Variants in CYFIP1 observed in about 807,000 individuals in gnomAD.
CYFIP1 encodes cytoplasmic FMR1 interacting protein 1, also known as cytoplasmic FMR1-interacting protein 1.
A neutral mutation model predicts 163.5 loss-of-function variants in CYFIP1; 58 were observed. The ratio of observed to expected loss-of-function variants is 0.35; its 90% CI spans 0.29 to 0.44. CYFIP1 has a LOEUF of 0.44. Among genes scored for constraint, CYFIP1 ranks in the 20% least tolerant of loss-of-function variants. The pLI is 1.00. For synonymous variants in CYFIP1, 663 were observed against 660.7 expected (o/e 1.00, Z -0.05); for missense variants, 1,338 against 1,653.8 (o/e 0.81, Z 3.31).
intron 26 of CYFIP1, among the ~76,000 whole-genome samples, chr15:22,879,249 T>A (rs1566919118): frequency 6.6e-6 from 1 of 152,016 alleles, no homozygotes; most frequent in Non-Finnish European, 1.5e-5. Context: ...TTAGTCACGA[T>A]GGAAGGCAGG....
Position 22,867,239 on chromosome 15 carries a change from A to G in CYFIP1, c.*2789T>C. On this transcript the variant is annotated 3_prime_UTR_variant, in exon 31 of 31. Coordinates refer to ENST00000617928, the MANE Select transcript of CYFIP1 (RefSeq NM_014608.6). ...TGACCATGTAAGGCTTTTTTATTTT[A>G]AAAAAACAGAGTTATCCCAATACAT... The G allele has an allele frequency of 2.5e-6, 1 of 404,032 alleles. No homozygotes were observed. The highest frequency in any genetic ancestry group is 4.4e-6 in the Non-Finnish European group (1 of 229,678). The allele number at this position is 404,032 out of a possible 1,614,324, so 25.0% of individuals were successfully genotyped here.
chr15:22,980,184 G>GA (rs1555428500), intron 1 of CYFIP1, 103 bp downstream of exon 1: 2 of 149,196 alleles, frequency 1.3e-5, no homozygotes, highest in Admixed American at 1.3e-4. Flanking sequence ...GGGAGGGGGG[G>GA]GTCCGTCCCG....
At chr15:22,879,011 CT>C (rs762705289) in intron 26 of CYFIP1, among the ~76,000 whole-genome samples, 1 of 152,160 alleles carries the variant, frequency 6.6e-6, no homozygotes, top group East Asian at 1.9e-4. Context: ...TGGTGGGCGC[CT>C]GTAGTCCCAG....
At chr15:22,937,596 C>CTTTTTTTTTTTTTTTTTTTTTTTTTT in intron 8 of CYFIP1, among the ~76,000 whole-genome samples, 1 of 143,746 alleles carries the variant, frequency 7.0e-6, no homozygotes. Context: ...ACTAAAAATT[C>CTTTTTTTTTTTTTTTTTTTTTTTTTT]TTTTTTTGTT....
chr15:22,926,988 C>T (rs941625802), intron 12 of CYFIP1, among the ~76,000 whole-genome samples: 1 of 152,050 alleles, frequency 6.6e-6, no homozygotes, highest in Admixed American at 6.6e-5. Context: ...AACTATGTAC[C>T]CCTATTATGC....
In CYFIP1 at chr15:22,872,954, C is replaced by A. The variant is rs775016154; in HGVS notation, c.3468G>T (p.Gly1156=). The part of the protein sequence containing the change: ...EFTVEQCFGD[G]LHWAGCMIIV... The stretch of plus-strand genomic sequence containing the variant: ...TGATCATACAGCCAGCCCAGTGTAG[C>A]CCATCACCAAAGCACTGCCTAGGAA... Residue 1156 remains glycine, a synonymous_variant, in exon 30 of 31, where the codon GGG becomes GGT. Transcript: ENST00000617928. The A allele has an allele frequency of 6.2e-7, 1 of 1,614,000 alleles. No homozygotes were observed. Among genetic ancestry groups the A allele is most frequent in the East Asian group, 2.2e-5 (1 of 44,888 alleles).
intron 1 of CYFIP1, chr15:22,951,220 G>A: frequency 1.5e-6 from 1 of 684,004 alleles, no homozygotes; most frequent in Non-Finnish European, 1.9e-6. Flanking sequence ...CCAGCCACCT[G>A]GACCTCCCCG....
At chr15:22,876,403 G>C (rs2059585705) in intron 26 of CYFIP1, among the ~76,000 whole-genome samples, 1 of 151,980 alleles carries the variant, frequency 6.6e-6, no homozygotes, top group African/African-American at 2.4e-5. Context: ...CCATGACAAT[G>C]CACAGAAACC....
At chr15:22,874,150 T>C (rs963404283) in intron 28 of CYFIP1, among the ~76,000 whole-genome samples, 2 of 152,216 alleles carry the variant, frequency 1.3e-5, no homozygotes, top group African/African-American at 2.4e-5. Context: ...CATAGAGTTA[T>C]CTGGTCCAAA....
At chr15:22,930,927 C>T (rs2061516682) in intron 11 of CYFIP1, among the ~76,000 whole-genome samples, 1 of 152,176 alleles carries the variant, frequency 6.6e-6, no homozygotes, top group South Asian at 2.1e-4. Context: ...CAGTACTGTC[C>T]TAGGCCTCCC....
chr15:22,960,801 CT>C (rs1364308688), intron 1 of CYFIP1, among the ~76,000 whole-genome samples: 1 of 152,178 alleles, frequency 6.6e-6, no homozygotes, highest in Non-Finnish European at 1.5e-5. Context: ...TTGCAGATGA[CT>C]TTCCTAGCAG....
intron 17 of CYFIP1, among the ~76,000 whole-genome samples, chr15:22,913,269 C>G (rs1424274752): frequency 6.6e-6 from 1 of 151,362 alleles, no homozygotes; most frequent in Non-Finnish European, 1.5e-5. Flanking sequence ...TGACTCATGC[C>G]TGTAATCCCA....
rs1037636081 is a variant in CYFIP1 at position 22,868,919 on chromosome 15, G to A, written c.*1109C>T. 1.2e-4 allele frequency: 10 copies of A among 81,568 alleles called. No individual in the cohort carries two copies. Among genetic ancestry groups the A allele is most frequent in the African/African-American group, 4.6e-4 (8 of 17,226 alleles). The allele number at this position is 81,568 out of a possible 1,614,324, so 5.1% of individuals were successfully genotyped here. On this transcript the variant is annotated 3_prime_UTR_variant, in exon 31 of 31. Coordinates refer to ENST00000617928, the MANE Select transcript of CYFIP1 (RefSeq NM_014608.6). ...TATTCATCTACAATAAACAGGCATA[G>A]CATCTTTTTCCATTCAGTTAGTTAG...
At chr15:22,955,780 G>A (rs1432626540) in intron 1 of CYFIP1, among the ~76,000 whole-genome samples, 1 of 152,176 alleles carries the variant, frequency 6.6e-6, no homozygotes, top group African/African-American at 2.4e-5. Context: ...TGCTGCCCTT[G>A]GGGAACCCAG....
intron 22 of CYFIP1, among the ~76,000 whole-genome samples, chr15:22,894,997 A>G (rs1408972186): frequency 6.7e-6 from 1 of 149,950 alleles, no homozygotes; most frequent in East Asian, 2.0e-4. Flanking sequence ...CTGGGACTAC[A>G]GGTCACCATG....
At chr15:22,901,944 C>T (rs1274982418) in intron 22 of CYFIP1, among the ~76,000 whole-genome samples, 4 of 152,142 alleles carry the variant, frequency 2.6e-5, no homozygotes, top group Admixed American at 1.3e-4. Flanking sequence ...CTGAGTAAAC[C>T]GGAGCTCTTC....
intron 8 of CYFIP1, 55 bp from the exon 9 acceptor site, chr15:22,937,263 A>G: frequency 9.8e-7 from 1 of 1,021,946 alleles, no homozygotes; most frequent in East Asian, 2.4e-5. Context: ...GAATTTCACT[A>G]CCCATAAGGA....
At chr15:22,972,805 A>G (rs2063145212) in intron 1 of CYFIP1, among the ~76,000 whole-genome samples, 1 of 152,266 alleles carries the variant, frequency 6.6e-6, no homozygotes, top group Non-Finnish European at 1.5e-5. Flanking sequence ...CAGGAGTTTG[A>G]GACCAGTCTG....
intron 13 of CYFIP1, among the ~76,000 whole-genome samples, chr15:22,920,009 G>A (rs150026760): frequency 2.0e-4 from 31 of 151,410 alleles, no homozygotes; most frequent in African/African-American, 7.0e-4. Flanking sequence ...GTGACAGAGC[G>A]AGACCCTGTC....
Sources: allele counts gnomAD v4.1 joint callset (sites outside exome capture counted in the v4.1 genomes callset), GRCh38; gene constraint gnomAD v4.1.1; transcripts MANE v1.5; gene names NCBI Gene and HGNC (gene_info 2026-07-23, HGNC 2026-07-21).